PDE11A: variants seen among roughly 807,000 people sequenced by gnomAD.
PDE11A encodes phosphodiesterase 11A.
A neutral mutation model predicts 100.5 loss-of-function variants in PDE11A; 100 were observed. That is an observed-to-expected ratio of 1.00 (90% CI 0.85 to 1.18). The LOEUF (loss-of-function observed/expected upper bound fraction) is 1.18. Among genes scored for constraint, PDE11A ranks in the 50% most tolerant of loss-of-function variants. The probability of loss-of-function intolerance (pLI) is 0.00; values close to 1 mark genes in which losing one functional copy is unlikely to be tolerated. For synonymous variants in PDE11A, 381 were observed against 420.8 expected (o/e 0.91, Z 1.16); for missense variants, 1,141 against 1,152.6 (o/e 0.99, Z 0.15).
intron 4 of PDE11A, chr2:177,888,643 A>G: frequency 5.4e-6 from 5 of 921,950 alleles, no homozygotes; most frequent in Non-Finnish European, 6.5e-6. Flanking sequence ...AATCCACAAA[A>G]CCAAGCCATG....
chr2:177,714,898 T>C (rs990785915), intron 12 of PDE11A, among the ~76,000 whole-genome samples: 1 of 152,114 alleles, frequency 6.6e-6, no homozygotes, highest in Non-Finnish European at 1.5e-5. Flanking sequence ...AGCCTGACCC[T>C]GGGGTCTGGT....
chr2:177,946,700 CCCGCCCGG>C (rs2085439145), intron 2 of PDE11A, among the ~76,000 whole-genome samples: 1 of 118,340 alleles, frequency 8.5e-6, no homozygotes, highest in Admixed American at 7.8e-5. Flanking sequence ...GGGTCAGCCC[CCCGCCCGG>C]CCAGCCGCCC....
chr2:177,640,086 C>T (rs2080117041), intron 19 of PDE11A, among the ~76,000 whole-genome samples: 1 of 152,170 alleles, frequency 6.6e-6, no homozygotes, highest in Non-Finnish European at 1.5e-5. Context: ...TTGCTAGTGA[C>T]ATCACTTAGT....
chr2:177,656,170 T>C (rs2080380091), intron 19 of PDE11A, among the ~76,000 whole-genome samples: 1 of 152,208 alleles, frequency 6.6e-6, no homozygotes, highest in Non-Finnish European at 1.5e-5. Context: ...GTCATGCACC[T>C]TATAATGGCA....
chr2:177,832,045 C>T (rs894848088), intron 6 of PDE11A, among the ~76,000 whole-genome samples: 1 of 152,120 alleles, frequency 6.6e-6, no homozygotes, highest in African/African-American at 2.4e-5. Context: ...TGTCAGGTGA[C>T]CATCAGGTGA....
At chr2:177,956,075 A>C (rs2085558205) in intron 2 of PDE11A, among the ~76,000 whole-genome samples, 1 of 152,060 alleles carries the variant, frequency 6.6e-6, no homozygotes, top group African/African-American at 2.4e-5. Context: ...TAATTAAACT[A>C]AAGAGCTTCT....
chr2:177,920,788 C>T (rs937521209), intron 2 of PDE11A, among the ~76,000 whole-genome samples: 8 of 152,150 alleles, frequency 5.3e-5, no homozygotes, highest in Admixed American at 1.3e-4. Context: ...TTGGGCCAGG[C>T]GCGGTCGCTC....
chr2:177,827,015 G>A (rs763304119), intron 6 of PDE11A, among the ~76,000 whole-genome samples: 24 of 152,302 alleles, frequency 1.6e-4, no homozygotes, highest in Non-Finnish European at 3.5e-4. Context: ...ACAGAGAATA[G>A]AGAATGACCT....
chr2:178,012,556 G>A (rs1341693094), intron 2 of PDE11A, among the ~76,000 whole-genome samples: 1 of 152,022 alleles, frequency 6.6e-6, no homozygotes, highest in Non-Finnish European at 1.5e-5. Flanking sequence ...AGCTGAGCTG[G>A]GACTCAGTCC....
At chr2:177,998,868 C>T (rs769049982) in intron 2 of PDE11A, 55 of 584,894 alleles carry the variant, frequency 9.4e-5, no homozygotes, top group Non-Finnish European at 1.1e-4. Context: ...TGCACTATTA[C>T]ACCCAACTGG....
chr2:177,782,316 T>C (rs2082465498), intron 9 of PDE11A, among the ~76,000 whole-genome samples: 1 of 152,204 alleles, frequency 6.6e-6, no homozygotes, highest in Non-Finnish European at 1.5e-5. Context: ...CCCTTCCCTT[T>C]GACTCTATGT....
chr2:178,003,696 A>G (rs1453458326), intron 2 of PDE11A, among the ~76,000 whole-genome samples: 2 of 152,176 alleles, frequency 1.3e-5, no homozygotes, highest in African/African-American at 4.8e-5. Flanking sequence ...AAAACCACTG[A>G]ATTAAATGGA....
At chr2:177,771,086 C>G (rs921590535) in intron 9 of PDE11A, among the ~76,000 whole-genome samples, 4 of 152,200 alleles carry the variant, frequency 2.6e-5, no homozygotes, top group African/African-American at 9.6e-5. Context: ...GCCTCAGCCT[C>G]CCAAAGTGCT....
At chr2:178,052,833 A>C (rs2086846072) in intron 1 of PDE11A, among the ~76,000 whole-genome samples, 1 of 152,220 alleles carries the variant, frequency 6.6e-6, no homozygotes, top group Admixed American at 6.5e-5. Context: ...GAATCCCTGA[A>C]TAGACCAATA....
At chr2:177,659,780 C>CTT (rs111759646) in intron 19 of PDE11A, among the ~76,000 whole-genome samples, 48 of 148,652 alleles carry the variant, frequency 3.2e-4, no homozygotes, top group African/African-American at 1.1e-3. Flanking sequence ...CCTTCTTCTT[C>CTT]TTTTTTTTTT....
chr2:178,010,959 T>G (rs137894299), intron 2 of PDE11A, among the ~76,000 whole-genome samples: 1 of 152,322 alleles, frequency 6.6e-6, no homozygotes, highest in East Asian at 1.9e-4. Flanking sequence ...ATACATTGTA[T>G]TTAATAAAAA....
At chr2:177,653,484 AACCCCGGT>A (rs777285535) in intron 19 of PDE11A, among the ~76,000 whole-genome samples, 2 of 152,210 alleles carry the variant, frequency 1.3e-5, no homozygotes, top group Non-Finnish European at 2.9e-5. Context: ...TTGAAGTTCT[AACCCCGGT>A]ACCTGTGAAT....
intron 2 of PDE11A, among the ~76,000 whole-genome samples, chr2:177,968,242 C>T (rs545307486): frequency 1.3e-5 from 2 of 152,296 alleles, no homozygotes; most frequent in South Asian, 4.1e-4. Context: ...TCTTTTTTCT[C>T]CTAATAAATC....
chr2:177,969,828 T>C (rs180936819), intron 2 of PDE11A, among the ~76,000 whole-genome samples: 2 of 152,312 alleles, frequency 1.3e-5, no homozygotes, highest in East Asian at 3.9e-4. Flanking sequence ...AAAGATTTTA[T>C]TTCCAAGTAA....
Sources: gnomAD v4.1 joint callset for allele counts (sites outside exome capture counted in the v4.1 genomes callset) on GRCh38, gnomAD v4.1.1 for gene constraint, MANE v1.5 for transcripts, NCBI Gene and HGNC (gene_info 2026-07-23, HGNC 2026-07-21) for gene names.